Variants in ULK1 observed in about 807,000 individuals in gnomAD.
ULK1 encodes the protein unc-51 like autophagy activating kinase 1.
In ULK1, 48 loss-of-function variants were observed where a neutral mutation model predicts 117.5. The ratio of observed to expected loss-of-function variants is 0.41; its 90% CI spans 0.32 to 0.52. The LOEUF (loss-of-function observed/expected upper bound fraction) is 0.52. Ranked by LOEUF, ULK1 falls within the 20% of genes least tolerant of loss-of-function variation. The probability of loss-of-function intolerance (pLI) is 0.29; values close to 1 mark genes in which losing one functional copy is unlikely to be tolerated. For synonymous variants in ULK1, 790 were observed against 637.8 expected (o/e 1.24, Z -3.60); for missense variants, 1,387 against 1,473.4 (o/e 0.94, Z 0.96).
intron 19 of ULK1, 97 bp downstream of exon 19, chr12:131,916,256 A>G (rs1301712341): frequency 1.3e-6 from 2 of 1,530,230 alleles, no homozygotes; most frequent in Non-Finnish European, 1.8e-6. Flanking sequence ...GCAGCTCTGT[A>G]CCTTTTGACC....
chr12:131,921,256 G>A, intron 27 of ULK1, 21 bp downstream of exon 27: 1 of 1,607,996 alleles, frequency 6.2e-7, no homozygotes, highest in Non-Finnish European at 8.5e-7. Context: ...GGCTGGGCTG[G>A]GGGCTGGGGA....
rs1022066968 is a variant in ULK1 at position 131,903,375 on chromosome 12, G to A, written c.247-3517G>A. On this transcript the variant is annotated intron_variant, in intron 3 of 27. Coordinates refer to ENST00000321867, the MANE Select transcript of ULK1 (RefSeq NM_003565.4). This position sits in a 1 kb window ranked among gnomAD's most constrained non-coding sequence, Gnocchi z 6.0. Reference sequence around the variant, plus strand: ...GGACTCCAGCCCACCTGCTTGGGCTGTGCTGCCATTTCCCAGCCTGGGCAC... The same window carrying A: ...GGACTCCAGCCCACCTGCTTGGGCTATGCTGCCATTTCCCAGCCTGGGCAC... Among the ~76,000 whole-genome samples, 1 of 152,226 alleles carries A rather than the reference G, an allele frequency of 6.6e-6. No individual in the cohort carries two copies. The highest frequency in any genetic ancestry group is 1.5e-5 in the Non-Finnish European group (1 of 68,022).
Position 131,921,228 on chromosome 12 carries a change from C to G in ULK1, c.3090C>G (p.Val1030=). 1 of 1,607,872 alleles carries G rather than the reference C, an allele frequency of 6.2e-7. No homozygotes were observed. Among genetic ancestry groups the G allele is most frequent in the Non-Finnish European group, 8.5e-7 (1 of 1,179,764 alleles). ...MLSDQADIEN[V]TKCKLCIERR... is the part of the protein sequence containing the mutation. The stretch of plus-strand genomic sequence containing the variant: ...CGGACCAGGCCGACATCGAGAACGT[C>G]ACCAAGTGTGAGTGCCCGGCTGGGC... Residue 1030 remains valine (V), a synonymous_variant, in exon 27 of 28, where the codon GTC becomes GTG. Coordinates refer to ENST00000321867, the MANE Select transcript of ULK1 (RefSeq NM_003565.4).
At chr12:131,900,482 T>G (rs1358808924) in intron 3 of ULK1, among the ~76,000 whole-genome samples, 3 of 152,234 alleles carry the variant, frequency 2.0e-5, no homozygotes, top group Non-Finnish European at 2.9e-5. Context: ...GCACCTGGCC[T>G]CCTTACTGAG....
rs55815560 is a variant in ULK1, at chr12:131,916,513, C to T, written c.1994C>T (p.Ser665Leu). ...PPRNRTLPDL[S>L]EVGPFHGQPL... ...CGAAACCGGACGCTGCCCGACCTCTCGGAGGTGGGACCCTTCCATGGTCAG... is the reference window on the plus strand; with the variant it reads ...CGAAACCGGACGCTGCCCGACCTCTTGGAGGTGGGACCCTTCCATGGTCAG... The change falls in exon 20 of 28, where the codon TCG becomes TTG. Residue 665 changes from serine (S) to leucine (L), a missense_variant. Physicochemically the swap from Ser to Leu is moderately radical, Grantham distance 145 (BLOSUM62 -2). This residue lies in a region of ULK1 where 900 missense variants were observed against 858.9 expected (regional missense o/e 1.05). Transcript: ENST00000321867. 2.3e-3 allele frequency: 3,688 copies of T among 1,611,848 alleles called. 6 individuals carry two copies. Among genetic ancestry groups the T allele is most frequent in the Non-Finnish European group, 2.6e-3 (3,070 of 1,179,764 alleles).
rs369905322 is a variant in ULK1 at position 131,921,680 on chromosome 12, G to C, written c.*319G>C. ...CAGGGCAGCCCCGGAGGACAGGCAAGGGCCTGAGACCACTGCCGACTCAAA... is the reference window on the plus strand; with the variant it reads ...CAGGGCAGCCCCGGAGGACAGGCAACGGCCTGAGACCACTGCCGACTCAAA... On this transcript the variant is annotated 3_prime_UTR_variant, in exon 28 of 28. Transcript: ENST00000321867. 377 of 604,084 alleles carry C rather than the reference G, an allele frequency of 6.2e-4. 2 individuals carry two copies. The East Asian group carries it at 8.2e-3, about 13-fold the overall frequency. The allele number at this position is 604,084 out of a possible 1,614,324, so 37.4% of individuals were successfully genotyped here. A position where few individuals can be genotyped will look rare whatever the true frequency, so the allele number is the denominator to read the frequency against.
chr12:131,912,027 G>A lies in ULK1; in HGVS notation c.1034G>A (p.Gly345Asp), dbSNP rs368179519. 58 of 1,612,766 alleles carry A rather than the reference G, an allele frequency of 3.6e-5. No homozygotes were observed. The highest frequency in any genetic ancestry group is 4.4e-5 in the Non-Finnish European group (52 of 1,179,980). Reference protein sequence around the residue: ...AGFLHSSRDSGGSKDSSCDTD... With the variant: ...AGFLHSSRDSDGSKDSSCDTD... ...TTCCTGCACAGCTCCCGGGACTCTGGTGGCAGCAAGGACTCTTCCTGTGAC... is the reference window on the plus strand; with the variant it reads ...TTCCTGCACAGCTCCCGGGACTCTGATGGCAGCAAGGACTCTTCCTGTGAC... The change falls in exon 13 of 28, where the codon GGT becomes GAT. Residue 345 changes from glycine to aspartate, a missense_variant. Transcript: ENST00000321867.
At chr12:131,916,741 T>G in intron 20 of ULK1, 150 bp downstream of exon 20, 1 of 1,165,674 alleles carries the variant, frequency 8.6e-7, no homozygotes, top group Non-Finnish European at 1.2e-6. Context: ...CCAGAGAGCC[T>G]GGCCCACCTG....
Position 131,907,518 on chromosome 12 carries a change from C to A in ULK1, c.303C>A (p.Ala101=), listed in dbSNP as rs746940651. The A allele has an allele frequency of 6.2e-7, 1 of 1,612,128 alleles. No homozygotes were observed. Among genetic ancestry groups the A allele is most frequent in the Non-Finnish European group, 8.5e-7 (1 of 1,179,700 alleles). ...VMEYCNGGDL[A]DYLHAMRTLS... ...AGTACTGCAACGGTGGGGACCTGGC[C>A]GACTACCTGCACGGTGAGTGCACAG... The change falls in exon 5 of 28, where the codon GCC becomes GCA. Residue 101 remains alanine (A), a synonymous_variant. Coordinates refer to ENST00000321867, the MANE Select transcript of ULK1 (RefSeq NM_003565.4).
intron 15 of ULK1, among the ~76,000 whole-genome samples, chr12:131,914,139 A>T (rs1216157401): frequency 6.6e-6 from 1 of 152,254 alleles, no homozygotes; most frequent in Admixed American, 6.5e-5. Flanking sequence ...GGCTGGGTGC[A>T]GACTGGGAGT....
chr12:131,909,723 C>T (rs1399726540), intron 8 of ULK1, 52 bp from the exon 9 acceptor site: 2 of 1,513,548 alleles, frequency 1.3e-6, no homozygotes, highest in Admixed American at 4.3e-5. Flanking sequence ...ACCCCGTGGG[C>T]TGGTCCCGCT....
chr12:131,914,967 T>A (rs2136401031), intron 16 of ULK1, 116 bp from the exon 17 acceptor site: 2 of 1,433,604 alleles, frequency 1.4e-6, no homozygotes, highest in Non-Finnish European at 1.9e-6. Context: ...TGGCATGGGG[T>A]CCTGGGCTGC....
intron 26 of ULK1, 37 bp from the exon 27 acceptor site, chr12:131,921,063 T>C: frequency 6.5e-7 from 1 of 1,545,304 alleles, no homozygotes; most frequent in Non-Finnish European, 8.7e-7. Flanking sequence ...GGGAGTGGGG[T>C]GAGCTGGCCC....
chr12:131,921,803 C>T lies in ULK1; in HGVS notation c.*442C>T, dbSNP rs1029398568. ...CCCAGTCTCCAGGAGCCTCTCCCTC[C>T]GAGATACCCACCCAGCTTTGTCAAT... On this transcript the variant is annotated 3_prime_UTR_variant, in exon 28 of 28. Coordinates refer to ENST00000321867, the MANE Select transcript of ULK1 (RefSeq NM_003565.4). 1.6e-5 allele frequency: 8 copies of T among 492,132 alleles called. No individual in the cohort carries two copies. Among genetic ancestry groups the T allele is most frequent in the Admixed American group, 9.2e-5 (4 of 43,490 alleles). 30.5% of individuals were successfully genotyped at this position (492,132 alleles called of 1,614,324 possible).
At chr12:131,918,750 T>TGTAGG (rs1889982499) in intron 23 of ULK1, 69 bp downstream of exon 23, 1 of 1,364,172 alleles carries the variant, frequency 7.3e-7, no homozygotes, top group African/African-American at 1.6e-5. Context: ...GGGTGTCGGG[T>TGTAGG]GTGTGGGGTA....
chr12:131,909,652 C>T (rs1889437754), intron 8 of ULK1, 123 bp from the exon 9 acceptor site: 8 of 1,054,796 alleles, frequency 7.6e-6, no homozygotes, highest in Non-Finnish European at 1.1e-5. Context: ...CGCTAGCACC[C>T]GGTTTCCCCC....
chr12:131,918,058 C>T (rs1016067850), intron 22 of ULK1, among the ~76,000 whole-genome samples: 12 of 152,162 alleles, frequency 7.9e-5, no homozygotes, highest in Admixed American at 4.6e-4. Context: ...GGGCTGCCAT[C>T]GCTGGGGTCA....
At chr12:131,899,318 A>G (rs1232453287) in intron 3 of ULK1, among the ~76,000 whole-genome samples, 2 of 151,648 alleles carry the variant, frequency 1.3e-5, no homozygotes, top group Non-Finnish European at 2.9e-5. Flanking sequence ...CCTCCCGGGT[A>G]GCTGGGATTA....
At chr12:131,899,978 G>A (rs1180059274) in intron 3 of ULK1, among the ~76,000 whole-genome samples, 1 of 152,064 alleles carries the variant, frequency 6.6e-6, no homozygotes, top group Non-Finnish European at 1.5e-5. Context: ...TTAGCTGGGC[G>A]TGGTGGCCCG....
Sources: gnomAD v4.1 joint callset for allele counts (sites outside exome capture counted in the v4.1 genomes callset) on GRCh38, gnomAD v4.1.1 for gene constraint, gnomAD v4.1.1 regional missense constraint, Gnocchi (gnomAD v3.1) non-coding constraint, MANE v1.5 for transcripts, NCBI Gene and HGNC (gene_info 2026-07-23, HGNC 2026-07-21) for gene names.